Variants in COL14A1 observed in about 807,000 individuals in gnomAD.
COL14A1 encodes collagen alpha-1(XIV) chain.
In COL14A1, 136 loss-of-function variants were observed where a neutral mutation model predicts 230.3. The observed-to-expected ratio is 0.59, with a 90% CI of 0.51 to 0.68. COL14A1 has a LOEUF of 0.68. Ranked by LOEUF, COL14A1 falls within the 30% of genes least tolerant of loss-of-function variation. The probability of loss-of-function intolerance (pLI) is 0.00; values close to 1 mark genes in which losing one functional copy is unlikely to be tolerated. For missense variants in COL14A1, 1,976 were observed against 2,215.8 expected, an observed-to-expected ratio of 0.89 and a Z score of 2.17; for synonymous variants, 792 against 784.1, an observed-to-expected ratio of 1.01 and a Z score of -0.17.
At chr8:120,156,090 C>G (rs7840217) in intron 2 of COL14A1, among the ~76,000 whole-genome samples, 58,724 of 151,852 alleles carry the variant, frequency 0.39, 13,003 homozygotes, top group African/African-American at 0.61. Flanking sequence ...TTACTGATTT[C>G]AGATGCTTTC....
chr8:120,175,629 T>G (rs1393729964), intron 5 of COL14A1, among the ~76,000 whole-genome samples: 1 of 152,220 alleles, frequency 6.6e-6, no homozygotes, highest in African/African-American at 2.4e-5. Context: ...GGAACACAGC[T>G]ATGCTCATTC....
intron 13 of COL14A1, among the ~76,000 whole-genome samples, chr8:120,214,927 A>C (rs1817706456): frequency 6.6e-6 from 1 of 152,228 alleles, no homozygotes; most frequent in African/African-American, 2.4e-5. Flanking sequence ...CTAGGGGAAG[A>C]GCCTTGAAGG....
chr8:120,179,370 T>C (rs1816390231), intron 5 of COL14A1, among the ~76,000 whole-genome samples: 1 of 152,090 alleles, frequency 6.6e-6, no homozygotes, highest in Admixed American at 6.6e-5. Context: ...TGTGCAAAAA[T>C]CACAAGCATT....
rs1282260859 is a variant in COL14A1, at chr8:120,197,865, G to C, written c.647G>C (p.Ser216Thr). The change falls in exon 7 of 48, where the codon AGC becomes ACC. Residue 216 changes from serine to threonine, a missense_variant. Physicochemically the swap from Ser to Thr is moderately conservative, Grantham distance 58. Around this residue, in one of 3 missense-constraint regions of COL14A1, gnomAD observed 1,791 missense variants for 2,019.5 expected, o/e 0.89. Transcript: ENST00000297848. Reference sequence around the variant, plus strand: ...ATAGAATGGCACTTGAATGCATTTAGCACAAAAGATGAAGTGATTGAAGCT... The same window carrying C: ...ATAGAATGGCACTTGAATGCATTTACCACAAAAGATGAAGTGATTGAAGCT... ...PRIEWHLNAF[S>T]TKDEVIEAVR... The C allele has an allele frequency of 6.2e-7, 1 of 1,613,506 alleles. No homozygotes were observed. The highest frequency in any genetic ancestry group is 8.5e-7 in the Non-Finnish European group (1 of 1,179,618).
chr8:120,332,225 C>CA (rs1821894756), intron 41 of COL14A1, 31 bp downstream of exon 41: 9 of 1,598,904 alleles, frequency 5.6e-6, no homozygotes, highest in Admixed American at 1.7e-5. Context: ...CTGGGACATA[C>CA]TCTGTTTTAA....
intron 5 of COL14A1, among the ~76,000 whole-genome samples, chr8:120,196,284 T>C (rs1169884404): frequency 6.6e-6 from 1 of 152,246 alleles, no homozygotes; most frequent in African/African-American, 2.4e-5. Flanking sequence ...AAAGTCTCTG[T>C]ACCTTTGTTG....
intron 25 of COL14A1, among the ~76,000 whole-genome samples, chr8:120,269,295 G>T (rs565813425): frequency 2.5e-4 from 38 of 151,822 alleles, no homozygotes; most frequent in African/African-American, 8.4e-4. Flanking sequence ...TACCAAAAAA[G>T]AACTTTTAAA....
chr8:120,267,107 AT>A (rs1030527223), intron 25 of COL14A1: 506 of 470,400 alleles, frequency 1.1e-3, no homozygotes, highest in East Asian at 1.7e-3. Context: ...GCTTAATACT[AT>A]TTTTTTTGAA....
intron 21 of COL14A1, among the ~76,000 whole-genome samples, chr8:120,249,554 C>G (rs1325773843): frequency 1.3e-5 from 2 of 152,118 alleles, no homozygotes; most frequent in Non-Finnish European, 2.9e-5. Flanking sequence ...GCTTTCTAAG[C>G]ACAAAAAGCT....
At chr8:120,288,836 C>T (rs758712853) in intron 33 of COL14A1, among the ~76,000 whole-genome samples, 45 of 152,156 alleles carry the variant, frequency 3.0e-4, no homozygotes, top group Non-Finnish European at 5.1e-4. Flanking sequence ...AAAACAAGTA[C>T]TGTAGTACTC....
chr8:120,294,020 C>CA (rs1398453594), intron 34 of COL14A1, among the ~76,000 whole-genome samples: 2 of 151,766 alleles, frequency 1.3e-5, no homozygotes, highest in African/African-American at 4.8e-5. Context: ...AAAGGTTAGA[C>CA]ATCAAATTAC....
Position 120,345,199 on chromosome 8 carries a change from C to T in COL14A1, c.4889-176C>T, listed in dbSNP as rs184535059. Among the ~76,000 whole-genome samples the T allele has an allele frequency of 2.0e-5, 3 of 152,192 alleles. No individual in the cohort carries two copies. The East Asian group carries it at 5.8e-4, about 29-fold the overall frequency. On this transcript the variant is annotated intron_variant, in intron 44 of 47. Coordinates refer to ENST00000297848, the MANE Select transcript of COL14A1 (RefSeq NM_021110.4). Reference sequence around the variant, plus strand: ...CAACAGTCCAGCCCTTAATATCATCCAGAGTAAAACGTAAAAAAATGTTAA... The same window carrying T: ...CAACAGTCCAGCCCTTAATATCATCTAGAGTAAAACGTAAAAAAATGTTAA...
At chr8:120,312,970 A>C (rs577072307) in intron 37 of COL14A1, among the ~76,000 whole-genome samples, 1 of 152,208 alleles carries the variant, frequency 6.6e-6, no homozygotes, top group Non-Finnish European at 1.5e-5. Flanking sequence ...TATTTCTTAC[A>C]TGGTTTAGTT....
chr8:120,347,676 A>C (rs1038292464), intron 45 of COL14A1, among the ~76,000 whole-genome samples: 11 of 152,172 alleles, frequency 7.2e-5, no homozygotes, highest in African/African-American at 2.4e-4. Context: ...TTCTCTTCTC[A>C]TTTTCTATAA....
chr8:120,351,033 CTA>C (rs1376781224), intron 45 of COL14A1, among the ~76,000 whole-genome samples: 1 of 149,266 alleles, frequency 6.7e-6, no homozygotes, highest in African/African-American at 2.5e-5. Flanking sequence ...TTACAACAAA[CTA>C]TCTCTCAGAC....
At chr8:120,197,580 G>A (rs926868036) in intron 6 of COL14A1, among the ~76,000 whole-genome samples, 5 of 151,652 alleles carry the variant, frequency 3.3e-5, no homozygotes, top group African/African-American at 4.8e-5. Context: ...CTAATTGGGC[G>A]CTCATTTATA....
intron 41 of COL14A1, among the ~76,000 whole-genome samples, chr8:120,332,426 CT>C: frequency 6.6e-6 from 1 of 152,242 alleles, no homozygotes; most frequent in East Asian, 1.9e-4. Flanking sequence ...ATTGACTTAG[CT>C]TTTATTAAAT....
intron 2 of COL14A1, among the ~76,000 whole-genome samples, chr8:120,148,140 C>CATTCTTTTT (rs1815157660): frequency 6.8e-6 from 1 of 147,524 alleles, no homozygotes. Flanking sequence ...TTAAATAGGT[C>CATTCTTTTT]ATTCTTTTTT....
chr8:120,238,078 C>T (rs889524014), intron 19 of COL14A1, among the ~76,000 whole-genome samples: 6 of 152,130 alleles, frequency 3.9e-5, no homozygotes, highest in Non-Finnish European at 5.9e-5. Flanking sequence ...TCAGGAGGCA[C>T]GGGGGTCAGG....
Sources: allele counts gnomAD v4.1 joint callset (sites outside exome capture counted in the v4.1 genomes callset), GRCh38; gene constraint gnomAD v4.1.1; regional missense constraint gnomAD v4.1.1; transcripts MANE v1.5; gene names NCBI Gene and HGNC (gene_info 2026-07-23, HGNC 2026-07-21).